BACE2: variants seen among roughly 807,000 people sequenced by gnomAD.
The protein encoded by BACE2 is beta-secretase 2, also known as 56 kDa aspartic-like protease.
In BACE2, 17 loss-of-function variants were observed where a neutral mutation model predicts 46.2. That is an observed-to-expected ratio of 0.37 (90% CI 0.25 to 0.55). BACE2 has a LOEUF of 0.55. Among genes scored for constraint, BACE2 ranks in the 20% least tolerant of loss-of-function variants. The pLI is 0.82. For missense variants in BACE2, 595 were observed against 698.1 expected (o/e 0.85, Z 1.66); for synonymous variants, 277 against 295.9 (o/e 0.94, Z 0.66).
rs967641294 is a variant in BACE2, at chr21:41,193,686, A to G, written c.312+25111A>G. Among the ~76,000 whole-genome samples, 4 of 152,202 alleles carry G rather than the reference A, an allele frequency of 2.6e-5. No homozygotes were observed. The highest frequency in any genetic ancestry group is 9.6e-5 in the African/African-American group (4 of 41,458). On this transcript the variant is annotated intron_variant, in intron 1 of 8. Coordinates refer to ENST00000330333, the MANE Select transcript of BACE2 (RefSeq NM_012105.5). This position sits in a 1 kb window ranked among gnomAD's most constrained non-coding sequence, Gnocchi z 4.2. ...GTTCTGCCTGCTACTAAGCATATCT[A>G]TGCCAATTATGCATTCTGGCACTGG...
rs1383971734 is a variant in BACE2 at position 41,277,632 on chromosome 21, C to T, written c.*2008C>T. 1 of 152,216 alleles carries T rather than the reference C, an allele frequency of 6.6e-6. No individual in the cohort carries two copies. The highest frequency in any genetic ancestry group is 1.9e-4 in the East Asian group (1 of 5,198). 9.4% of individuals were successfully genotyped at this position (152,216 alleles called of 1,614,324 possible). A position where few individuals can be genotyped will look rare whatever the true frequency, so the allele number is the denominator to read the frequency against. On this transcript the variant is annotated 3_prime_UTR_variant, in exon 9 of 9. Transcript: ENST00000330333. ...AAGCCCTGAAATAAGAGGAGGGAAT[C>T]GCAGACATGCCCTGATTAGTTTTCC... is the stretch of plus-strand genomic sequence containing the variant.
intron 1 of BACE2, among the ~76,000 whole-genome samples, chr21:41,190,485 A>G (rs1985529130): frequency 6.6e-6 from 1 of 152,246 alleles, no homozygotes; most frequent in Non-Finnish European, 1.5e-5. Context: ...TAACAAAACA[A>G]GGAAAAAATA....
At chr21:41,241,975 G>A (rs774095228) in intron 4 of BACE2, 28 bp downstream of exon 4, 26 of 1,609,108 alleles carry the variant, frequency 1.6e-5, no homozygotes, top group Middle Eastern at 1.7e-4. Flanking sequence ...TTAAAGGGGC[G>A]AAAAATCACA....
At chr21:41,248,786 G>A (rs1194157116) in intron 6 of BACE2, among the ~76,000 whole-genome samples, 2 of 152,218 alleles carry the variant, frequency 1.3e-5, no homozygotes, top group Non-Finnish European at 2.9e-5. Context: ...GATATTCAGT[G>A]CGTGGACATC....
rs1390089480 is a variant in BACE2, at chr21:41,276,235, C to T, written c.*611C>T. 3 of 152,864 alleles carry T rather than the reference C, an allele frequency of 2.0e-5. No homozygotes were observed. The highest frequency in any genetic ancestry group is 7.2e-5 in the African/African-American group (3 of 41,416). 9.5% of individuals were successfully genotyped at this position (152,864 alleles called of 1,614,324 possible). A position where few individuals can be genotyped will look rare whatever the true frequency, so the allele number is the denominator to read the frequency against. ...TGGGAGCCAGAATTCACTAGGAGGT[C>T]ATCAACCGATGGTCCTCACAAGCCT... On this transcript the variant is annotated 3_prime_UTR_variant, in exon 9 of 9. Transcript: ENST00000330333.
intron 2 of BACE2, among the ~76,000 whole-genome samples, chr21:41,229,853 T>C (rs112702783): frequency 0.016 from 2,503 of 152,344 alleles, 79 homozygotes; most frequent in African/African-American, 0.056. Flanking sequence ...CAGAACTCAT[T>C]TGATGACTAA....
At chr21:41,197,133 T>C (rs1049392492) in intron 1 of BACE2, among the ~76,000 whole-genome samples, 1 of 151,926 alleles carries the variant, frequency 6.6e-6, no homozygotes, top group South Asian at 2.1e-4. Context: ...AACTCGTTTT[T>C]AGTTTTTTGT....
chr21:41,214,163 T>G (rs1447363178), intron 1 of BACE2, among the ~76,000 whole-genome samples: 1 of 152,190 alleles, frequency 6.6e-6, no homozygotes, highest in Non-Finnish European at 1.5e-5. Context: ...CAGAGAGATC[T>G]GGGGAGAGGA....
At chr21:41,172,441 T>C (rs778560053) in intron 1 of BACE2, among the ~76,000 whole-genome samples, 2 of 152,176 alleles carry the variant, frequency 1.3e-5, no homozygotes, top group African/African-American at 4.8e-5. Flanking sequence ...CTGGAAAATG[T>C]GCACAACAAT....
intron 6 of BACE2, among the ~76,000 whole-genome samples, chr21:41,248,192 C>A (rs2837989): frequency 0.24 from 36,750 of 152,040 alleles, 5,050 homozygotes; most frequent in African/African-American, 0.39. Flanking sequence ...CGCCTCTCTA[C>A]GGAGGAAATC....
chr21:41,176,326 C>A (rs1358131170), intron 1 of BACE2: 3 of 152,170 alleles, frequency 2.0e-5, no homozygotes, highest in African/African-American at 7.2e-5. Flanking sequence ...TGCTTCTTTC[C>A]CCAAACCAGC....
At chr21:41,242,614 G>C (rs1235588726) in intron 4 of BACE2, among the ~76,000 whole-genome samples, 2 of 152,180 alleles carry the variant, frequency 1.3e-5, no homozygotes, top group African/African-American at 2.4e-5. Flanking sequence ...GCAGAGGACA[G>C]CATAGGATTT....
intron 1 of BACE2, chr21:41,179,202 G>C (rs1312903085): frequency 1.6e-6 from 2 of 1,281,408 alleles, no homozygotes; most frequent in Admixed American, 2.4e-5. Context: ...GGGTGTCCAG[G>C]TTGAGTGAGG....
chr21:41,183,507 A>C (rs2123501655), intron 1 of BACE2: 1 of 166,724 alleles, frequency 6.0e-6, no homozygotes, highest in African/African-American at 2.4e-5. Context: ...TACCTGGCCA[A>C]ATTTTGTTTG....
At chr21:41,229,284 C>T (rs1163629621) in intron 2 of BACE2, among the ~76,000 whole-genome samples, 1 of 152,196 alleles carries the variant, frequency 6.6e-6, no homozygotes, top group Admixed American at 6.5e-5. Flanking sequence ...CTTGCATTTC[C>T]TCGTTTAGCA....
chr21:41,238,186 A>G (rs1987180227), intron 3 of BACE2, among the ~76,000 whole-genome samples: 1 of 152,072 alleles, frequency 6.6e-6, no homozygotes, highest in Admixed American at 6.5e-5. Context: ...TGCAGGGGAC[A>G]CCTCCGAGGA....
chr21:41,178,586 A>T (rs1024434594), intron 1 of BACE2: 7 of 154,884 alleles, frequency 4.5e-5, no homozygotes, highest in African/African-American at 1.7e-4. Context: ...TTTTTTTTTA[A>T]ATTAGCCAAG....
At chr21:41,257,962 C>G (rs1987835908) in intron 8 of BACE2, among the ~76,000 whole-genome samples, 1 of 152,180 alleles carries the variant, frequency 6.6e-6, no homozygotes. Context: ...ACGGAGTGCT[C>G]ACACCACACA....
chr21:41,211,464 G>C (rs980697004), intron 1 of BACE2, among the ~76,000 whole-genome samples: 1 of 152,182 alleles, frequency 6.6e-6, no homozygotes, highest in Admixed American at 6.5e-5. Context: ...GAGAAATGGC[G>C]CATGACAATT....
Sources: allele counts gnomAD v4.1 joint callset (sites outside exome capture counted in the v4.1 genomes callset), GRCh38; gene constraint gnomAD v4.1.1; non-coding constraint Gnocchi (gnomAD v3.1); transcripts MANE v1.5; gene names NCBI Gene and HGNC (gene_info 2026-07-23, HGNC 2026-07-21).